HCN1: variants seen among roughly 807,000 people sequenced by gnomAD.
The protein encoded by HCN1 is potassium/sodium hyperpolarization-activated cyclic nucleotide-gated channel 1.
In HCN1, 13 loss-of-function variants were observed where a neutral mutation model predicts 78.9. The observed-to-expected ratio is 0.16, with a 90% confidence interval of 0.11 to 0.26. The LOEUF is 0.26. Ranked by LOEUF, HCN1 falls within the 10% of genes least tolerant of loss-of-function variation. HCN1 has a pLI of 1.00. For synonymous variants in HCN1, 552 were observed against 455.5 expected, an observed-to-expected ratio of 1.21 and a Z score of -2.70; for missense variants, 810 against 1,154.3, an observed-to-expected ratio of 0.70 and a Z score of 4.32.
chr5:45,553,610 A>G (rs1375388659), intron 2 of HCN1, among the ~76,000 whole-genome samples: 2 of 151,928 alleles, frequency 1.3e-5, no homozygotes, highest in East Asian at 1.9e-4. Context: ...CATCACTGAC[A>G]TAAAATGGCA....
intron 5 of HCN1, among the ~76,000 whole-genome samples, chr5:45,350,423 G>T (rs1245489086): frequency 6.6e-6 from 1 of 152,154 alleles, no homozygotes; most frequent in East Asian, 1.9e-4. Context: ...ATATCATACT[G>T]AGTGGGCAAA....
At chr5:45,573,289 T>C (rs1421562835) in intron 2 of HCN1, among the ~76,000 whole-genome samples, 2 of 152,064 alleles carry the variant, frequency 1.3e-5, no homozygotes, top group Non-Finnish European at 2.9e-5. Flanking sequence ...AGTTCAAAAA[T>C]CTGAACATCA....
chr5:45,272,682 G>A (rs2111855296), intron 6 of HCN1, among the ~76,000 whole-genome samples: 1 of 152,080 alleles, frequency 6.6e-6, no homozygotes, highest in East Asian at 1.9e-4. Context: ...TACTTTCTTT[G>A]AGGAACATAA....
chr5:45,317,123 G>A lies in HCN1; in HGVS notation c.1378-13284C>T, dbSNP rs368124552. Among the ~76,000 whole-genome samples the A allele has an allele frequency of 8.5e-4, 129 of 152,036 alleles. 1 individual carries two copies. Among genetic ancestry groups the A allele is most frequent in the Middle Eastern group, 6.8e-3 (2 of 294 alleles). ...TGCATTGCCAAGTCAAGCCTAAGCC[G>A]AAAGAACAAAGCTGGAGGCATCACG... is the stretch of plus-strand genomic sequence containing the variant. On this transcript the variant is annotated intron_variant, in intron 5 of 7. Transcript: ENST00000303230.
At chr5:45,571,769 C>A (rs150129347) in intron 2 of HCN1, among the ~76,000 whole-genome samples, 3,803 of 152,082 alleles carry the variant, frequency 0.025, 154 homozygotes, top group African/African-American at 0.086. Flanking sequence ...AAAAAATTAG[C>A]CAGGCATGGT....
At chr5:45,525,970 C>T (rs1742728732) in intron 2 of HCN1, among the ~76,000 whole-genome samples, 1 of 151,910 alleles carries the variant, frequency 6.6e-6, no homozygotes, top group Non-Finnish European at 1.5e-5. Context: ...CCCTTTCTAG[C>T]CCCTTCTCTT....
At chr5:45,422,065 T>C (rs1310075060) in intron 3 of HCN1, among the ~76,000 whole-genome samples, 1 of 152,172 alleles carries the variant, frequency 6.6e-6, no homozygotes, top group African/African-American at 2.4e-5. Flanking sequence ...CTGAAATATA[T>C]ATAACCCTCA....
chr5:45,545,575 T>C (rs1743200093), intron 2 of HCN1, among the ~76,000 whole-genome samples: 1 of 151,946 alleles, frequency 6.6e-6, no homozygotes, highest in Non-Finnish European at 1.5e-5. Context: ...GTTTTTATGG[T>C]TTTAGGTCTA....
intron 2 of HCN1, among the ~76,000 whole-genome samples, chr5:45,515,713 G>C (rs548587734): frequency 1.1e-4 from 16 of 152,048 alleles, no homozygotes; most frequent in African/African-American, 3.6e-4. Context: ...CAGTTCACCT[G>C]TCCATCCAGC....
chr5:45,282,182 C>T (rs1379687657), intron 6 of HCN1, among the ~76,000 whole-genome samples: 2 of 152,144 alleles, frequency 1.3e-5, no homozygotes, highest in African/African-American at 4.8e-5. Flanking sequence ...TAGAACACCA[C>T]TTAGTAAAGC....
At chr5:45,567,686 T>C (rs1743737902) in intron 2 of HCN1, among the ~76,000 whole-genome samples, 1 of 150,686 alleles carries the variant, frequency 6.6e-6, no homozygotes, top group Non-Finnish European at 1.5e-5. Flanking sequence ...CTTTGGAAAA[T>C]ATTGACCAAA....
At chr5:45,317,884 A>G (rs1392283265) in intron 5 of HCN1, among the ~76,000 whole-genome samples, 1 of 152,204 alleles carries the variant, frequency 6.6e-6, no homozygotes, top group African/African-American at 2.4e-5. Context: ...CACACCACTT[A>G]GAATGGCGAT....
chr5:45,652,644 G>C lies in HCN1; in HGVS notation c.426-7036C>G, dbSNP rs1443970347. 2.0e-5 allele frequency among the ~76,000 whole-genome samples: 3 copies of C among 151,954 alleles called. 1 individual carries two copies. In the South Asian group the frequency reaches 6.2e-4, roughly 31 times the overall value. On this transcript the variant is annotated intron_variant, in intron 1 of 7. Transcript: ENST00000303230. ...AATAACTATATATCCTGTATAGTTA[G>C]TGGCTTCCAAATTTCCTGATAGAAT...
At chr5:45,459,944 A>G (rs879441876) in intron 3 of HCN1, among the ~76,000 whole-genome samples, 2 of 152,154 alleles carry the variant, frequency 1.3e-5, no homozygotes, top group Non-Finnish European at 2.9e-5. Context: ...GTAAAGTGAC[A>G]GATCTATAAT....
At chr5:45,627,889 GA>G (rs1429425797) in intron 2 of HCN1, among the ~76,000 whole-genome samples, 7 of 152,066 alleles carry the variant, frequency 4.6e-5, no homozygotes, top group Non-Finnish European at 8.8e-5. Flanking sequence ...GCATTTATTG[GA>G]AAAATGATCA....
intron 5 of HCN1, among the ~76,000 whole-genome samples, chr5:45,305,363 G>A (rs547142973): frequency 1.3e-5 from 2 of 152,260 alleles, no homozygotes; most frequent in East Asian, 1.9e-4. Context: ...TATTTTATGA[G>A]TTTAGCAAAG....
intron 4 of HCN1, among the ~76,000 whole-genome samples, chr5:45,368,406 T>A (rs2112000963): frequency 6.6e-6 from 1 of 152,128 alleles, no homozygotes; most frequent in South Asian, 2.1e-4. Context: ...GGGCTAAGGA[T>A]GAGTTATATA....
intron 2 of HCN1, among the ~76,000 whole-genome samples, chr5:45,608,334 T>C (rs757603521): frequency 1.5e-4 from 22 of 150,406 alleles, no homozygotes; most frequent in South Asian, 2.1e-4. Context: ...TTAATCAAAG[T>C]TCCAAATGGG....
chr5:45,348,971 G>A (rs932280909), intron 5 of HCN1, among the ~76,000 whole-genome samples: 1 of 152,148 alleles, frequency 6.6e-6, no homozygotes, highest in Non-Finnish European at 1.5e-5. Flanking sequence ...TAACGAGACA[G>A]AAAGTTAACA....
Sources: allele counts gnomAD v4.1 joint callset (sites outside exome capture counted in the v4.1 genomes callset), GRCh38; gene constraint gnomAD v4.1.1; transcripts MANE v1.5; gene names NCBI Gene and HGNC (gene_info 2026-07-23, HGNC 2026-07-21).